The following TMEM41B variants were observed in gnomAD, a reference collection of about 807,000 sequenced individuals.
TMEM41B encodes transmembrane protein 41B, also known as protein stasimon.
TMEM41B carries 18 observed loss-of-function variants against 31.9 expected under a neutral mutation model. That is an observed-to-expected ratio of 0.56 (90% CI 0.39 to 0.84). The LOEUF (loss-of-function observed/expected upper bound fraction) is 0.84, where lower values mean the gene tolerates loss of function less well. Among genes scored for constraint, TMEM41B ranks in the 40% least tolerant of loss-of-function variants. The pLI, the probability that TMEM41B is intolerant of heterozygous loss-of-function variation, is 0.00. For synonymous variants in TMEM41B, 144 were observed against 124.3 expected, an observed-to-expected ratio of 1.16 and a Z score of -1.05; for missense variants, 322 against 348.0, an observed-to-expected ratio of 0.93 and a Z score of 0.59.
intron 2 of TMEM41B, among the ~76,000 whole-genome samples, chr11:9,297,836 T>A (rs1191177442): frequency 6.6e-6 from 1 of 151,824 alleles, no homozygotes; most frequent in Non-Finnish European, 1.5e-5. Flanking sequence ...ACAAAAAAAA[T>A]TTAACTGACC....
At chr11:9,305,040 C>T (rs1242638282) in intron 1 of TMEM41B, among the ~76,000 whole-genome samples, 1 of 152,184 alleles carries the variant, frequency 6.6e-6, no homozygotes, top group African/African-American at 2.4e-5. Context: ...AGTCCTCCTG[C>T]CTCAGCCTCC....
At chr11:9,308,328 G>A (rs1379546252) in intron 1 of TMEM41B, among the ~76,000 whole-genome samples, 1 of 152,138 alleles carries the variant, frequency 6.6e-6, no homozygotes, top group Admixed American at 6.5e-5. Context: ...GGGCAACAGA[G>A]CAAGACACCG....
intron 6 of TMEM41B, among the ~76,000 whole-genome samples, chr11:9,284,843 G>A (rs1852800579): frequency 6.6e-6 from 1 of 152,086 alleles, no homozygotes; most frequent in Non-Finnish European, 1.5e-5. Context: ...AGTAAAGAGA[G>A]CAGTGTATAC....
rs748126315 is a variant in TMEM41B at position 9,287,826 on chromosome 11, A to G, written c.463-20T>C. On this transcript the variant is annotated intron_variant, in intron 4 of 6. Transcript: ENST00000528080. ...AGAACACTGGAAAACAAAAGAAGCC[A>G]TAAGCGTTTTGTATTTTTCCGTCTT... 8.9e-6 allele frequency: 14 copies of G among 1,565,070 alleles called. No individual in the cohort carries two copies. Among genetic ancestry groups the G allele is most frequent in the South Asian group, 1.1e-5 (1 of 87,318 alleles).
intron 6 of TMEM41B, among the ~76,000 whole-genome samples, chr11:9,285,839 G>A (rs968808711): frequency 4.0e-5 from 6 of 151,846 alleles, no homozygotes; most frequent in Non-Finnish European, 5.9e-5. Context: ...AGAAAGGGCT[G>A]GGTGCGGTGG....
chr11:9,306,030 G>A (rs1372840293), intron 1 of TMEM41B, among the ~76,000 whole-genome samples: 4 of 141,854 alleles, frequency 2.8e-5, no homozygotes, highest in Non-Finnish European at 4.5e-5. Flanking sequence ...CCAGGCTGGA[G>A]TGCAGTGGTG....
chr11:9,294,532 T>C (rs1853039649), intron 3 of TMEM41B, among the ~76,000 whole-genome samples: 1 of 151,728 alleles, frequency 6.6e-6, no homozygotes, highest in African/African-American at 2.4e-5. Flanking sequence ...TGATTACTTT[T>C]ACAACATCAA....
chr11:9,310,384 G>C (rs1302349548), intron 1 of TMEM41B, among the ~76,000 whole-genome samples: 2 of 125,340 alleles, frequency 1.6e-5, no homozygotes, highest in Non-Finnish European at 3.8e-5. Context: ...CTCAAGGAAA[G>C]ATTAAACAAA....
At chr11:9,293,329 C>T (rs1370711681) in intron 3 of TMEM41B, among the ~76,000 whole-genome samples, 1 of 152,202 alleles carries the variant, frequency 6.6e-6, no homozygotes, top group Non-Finnish European at 1.5e-5. Context: ...TCTCGAACCA[C>T]TGGCCTCACG....
At chr11:9,298,631 T>TG (rs1853159732) in intron 2 of TMEM41B, among the ~76,000 whole-genome samples, 1 of 151,974 alleles carries the variant, frequency 6.6e-6, no homozygotes, top group Admixed American at 6.6e-5. Context: ...CCAGCCGTGG[T>TG]GGCACACATC....
At chr11:9,311,054 A>C (rs1008540333) in intron 1 of TMEM41B, among the ~76,000 whole-genome samples, 2 of 152,184 alleles carry the variant, frequency 1.3e-5, no homozygotes, top group African/African-American at 2.4e-5. Context: ...CCCCTGCTAA[A>C]CTCATTAGCT....
chr11:9,311,491 C>G lies in TMEM41B; in HGVS notation c.121+2830G>C, dbSNP rs566818940. 61 of 1,421,408 alleles carry G rather than the reference C, an allele frequency of 4.3e-5. 1 individual carries two copies. The East Asian group carries it at 1.3e-3, about 29-fold the overall frequency. The allele number at this position is 1,421,408 out of a possible 1,614,324, so 88.0% of individuals were successfully genotyped here. A position where few individuals can be genotyped will look rare whatever the true frequency, so the allele number is the denominator to read the frequency against. ...CCCGAGGATTGGCATCCTGGATACC[C>G]TGGCTGTGGCACAGGATGAGGGGGC... On this transcript the variant is annotated intron_variant, in intron 1 of 6. Coordinates refer to ENST00000528080, the MANE Select transcript of TMEM41B (RefSeq NM_015012.4).
At chr11:9,284,899 A>G (rs1852801930) in intron 6 of TMEM41B, among the ~76,000 whole-genome samples, 1 of 152,168 alleles carries the variant, frequency 6.6e-6, no homozygotes, top group South Asian at 2.1e-4. Context: ...ATCAAAACAA[A>G]GGGAAATAAA....
intron 3 of TMEM41B, among the ~76,000 whole-genome samples, chr11:9,288,765 C>T (rs1265955534): frequency 6.6e-6 from 1 of 152,104 alleles, no homozygotes; most frequent in Non-Finnish European, 1.5e-5. Context: ...TAGAGAGGAA[C>T]CGGGCACTTT....
At chr11:9,300,764 G>A (rs1272455853) in intron 1 of TMEM41B, among the ~76,000 whole-genome samples, 1 of 151,874 alleles carries the variant, frequency 6.6e-6, no homozygotes, top group Non-Finnish European at 1.5e-5. Flanking sequence ...TGTAGTCCCA[G>A]CTACTCGGGA....
intron 3 of TMEM41B, among the ~76,000 whole-genome samples, chr11:9,291,108 T>G (rs1250482022): frequency 6.6e-6 from 1 of 151,882 alleles, no homozygotes; most frequent in Non-Finnish European, 1.5e-5. Context: ...AGAGTGAGAC[T>G]CTGTCTCAAA....
At chr11:9,297,433 C>T (rs139502879) in intron 2 of TMEM41B, among the ~76,000 whole-genome samples, 75 of 152,286 alleles carry the variant, frequency 4.9e-4, no homozygotes, top group Non-Finnish European at 8.5e-4. Context: ...GTGGCCTAGG[C>T]CTGTAATCCC....
intron 6 of TMEM41B, 120 bp from the exon 7 acceptor site, chr11:9,283,713 AT>A: frequency 1.2e-6 from 1 of 836,822 alleles, no homozygotes; most frequent in Non-Finnish European, 1.8e-6. Context: ...TGGAAAAAAA[AT>A]TAAGAATTTA....
chr11:9,289,681 A>G (rs1852911391), intron 3 of TMEM41B, among the ~76,000 whole-genome samples: 1 of 152,192 alleles, frequency 6.6e-6, no homozygotes, highest in Non-Finnish European at 1.5e-5. Flanking sequence ...GACCTGCTTT[A>G]CTATTCCACT....
Sources: allele counts gnomAD v4.1 joint callset (sites outside exome capture counted in the v4.1 genomes callset), GRCh38; gene constraint gnomAD v4.1.1; transcripts MANE v1.5; gene names NCBI Gene and HGNC (gene_info 2026-07-23, HGNC 2026-07-21).